TAGLN2: variants seen among roughly 807,000 people sequenced by gnomAD.
TAGLN2 encodes transgelin 2.
A neutral mutation model predicts 24.9 loss-of-function variants in TAGLN2; 14 were observed. The observed-to-expected ratio is 0.56, with a 90% CI of 0.37 to 0.88. The LOEUF (loss-of-function observed/expected upper bound fraction) is 0.88, where lower values mean the gene tolerates loss of function less well. TAGLN2 is among the 40% of genes least tolerant of loss of function. TAGLN2 has a pLI of 0.00. For missense variants in TAGLN2, 208 were observed against 258.9 expected (o/e 0.80, Z 1.35); for synonymous variants, 77 against 98.2 (o/e 0.78, Z 1.28).
chr1:159,923,348 C>A (rs1416800086), intron 1 of TAGLN2: 5 of 1,459,254 alleles, frequency 3.4e-6, no homozygotes, highest in African/African-American at 1.4e-5. Flanking sequence ...ACAACCCTCA[C>A]CCTCACCCTG....
At position 159,922,460 on chromosome 1, in the gene TAGLN2, G is replaced by C. The variant is rs191475149; in HGVS notation, c.-28-1923C>G. Among the ~76,000 whole-genome samples the C allele has an allele frequency of 7.5e-3, 1,141 of 152,256 alleles. 9 individuals are homozygous for C. Among genetic ancestry groups the C allele is most frequent in the Non-Finnish European group, 9.0e-3 (614 of 68,018 alleles). On this transcript the variant is annotated intron_variant, in intron 1 of 4. Coordinates refer to ENST00000368097, the MANE Select transcript of TAGLN2 (RefSeq NM_003564.3). The stretch of plus-strand genomic sequence containing the variant: ...CAGCTTGGGGAAGGCAGGCGGGGTG[G>C]GGTGGCTGAGTTCTGAGGAGAAACC...
intron 1 of TAGLN2, chr1:159,923,562 A>C: frequency 7.4e-7 from 1 of 1,349,000 alleles, no homozygotes; most frequent in Non-Finnish European, 1.0e-6. Context: ...GATGGAACAC[A>C]GGAGAACTTC....
rs764239031 is a variant in TAGLN2, at chr1:159,919,339, A to G, written c.393T>C (p.Asn131=). 6.2e-7 allele frequency: 1 copy of G among 1,614,074 alleles called. No homozygotes were observed. The highest frequency in any genetic ancestry group is 2.2e-5 in the East Asian group (1 of 44,900). ...CTCGGGCTACTGCCAGCCCACCCAG[A>G]TTCATCAGCGTCCGCTGCACACAGG... ...NMACVQRTLM[N]LGGLAVARDD... is the part of the protein sequence containing the mutation. Residue 131 remains asparagine (N), a synonymous_variant, in exon 4 of 5, where the codon AAT becomes AAC. Coordinates refer to ENST00000368097, the MANE Select transcript of TAGLN2 (RefSeq NM_003564.3).
At chr1:159,924,242 G>C (rs528804757) in intron 1 of TAGLN2, among the ~76,000 whole-genome samples, 1 of 152,306 alleles carries the variant, frequency 6.6e-6, no homozygotes, top group East Asian at 1.9e-4. Flanking sequence ...CTATTTGTTG[G>C]TTCTGGAATG....
intron 4 of TAGLN2, 59 bp from the exon 5 acceptor site, chr1:159,919,000 C>T: frequency 6.2e-7 from 1 of 1,603,358 alleles, no homozygotes; most frequent in Non-Finnish European, 8.5e-7. Context: ...TAAATCCCTT[C>T]CTTGGACAGA....
intron 1 of TAGLN2, among the ~76,000 whole-genome samples, chr1:159,922,437 G>A (rs967582294): frequency 7.2e-5 from 11 of 152,182 alleles, no homozygotes; most frequent in Non-Finnish European, 1.6e-4. Context: ...CACACCATCA[G>A]CTTGGGGAAG....
At chr1:159,919,584 C>T in intron 3 of TAGLN2, 77 bp downstream of exon 3, 1 of 1,558,752 alleles carries the variant, frequency 6.4e-7, no homozygotes, top group Non-Finnish European at 8.8e-7. Flanking sequence ...AAAACAGCCC[C>T]TTCTGCCTGG....
At chr1:159,920,069 G>T in intron 2 of TAGLN2, 1 of 764,836 alleles carries the variant, frequency 1.3e-6, no homozygotes, top group African/African-American at 1.7e-5. Context: ...CCCTCCCACA[G>T]TTCTTTCCTT....
At chr1:159,920,597 T>C in intron 1 of TAGLN2, 60 bp from the exon 2 acceptor site, 1 of 1,552,286 alleles carries the variant, frequency 6.4e-7, no homozygotes, top group African/African-American at 1.4e-5. Flanking sequence ...GAGTGGGGAA[T>C]TCAGGAATTC....
At chr1:159,925,325 A>T (rs888633292) in intron 1 of TAGLN2, 125 bp downstream of exon 1, 2 of 152,380 alleles carry the variant, frequency 1.3e-5, no homozygotes, top group Admixed American at 1.3e-4. Flanking sequence ...TAAAGTAGTC[A>T]CCGGACCCTT....
At chr1:159,923,742 T>A in intron 1 of TAGLN2, 1 of 391,418 alleles carries the variant, frequency 2.6e-6, no homozygotes, top group Non-Finnish European at 4.6e-6. Flanking sequence ...AAGAGAAAGC[T>A]GAGGCTACAC....
Position 159,918,891 on chromosome 1 carries a change from C to A in TAGLN2, c.509G>T (p.Gly170Val). ...CATCTGTAACCCGATCACGTTCTTG[C>A]CCTCTTGCAGCTGGTTATCCGAGAA... ...RNFSDNQLQE[G>V]KNVIGLQMGT... The change falls in exon 5 of 5, where the codon GGC (glycine) becomes GTC (valine). Residue 170 changes from glycine to valine, a missense_variant. By Grantham distance (109) the Gly-to-Val change is moderately radical. Transcript: ENST00000368097. The A allele has an allele frequency of 6.2e-7, 1 of 1,614,222 alleles. No homozygotes were observed. Among genetic ancestry groups the A allele is most frequent in the Non-Finnish European group, 8.5e-7 (1 of 1,180,032 alleles).
rs1650421127 is a variant in TAGLN2, at chr1:159,918,653, C to A, written c.*147G>T. On this transcript the variant is annotated 3_prime_UTR_variant, in exon 5 of 5. Transcript: ENST00000368097. ...GGGGAGAGGATGCCAGCAGGCACCTCAGAGGTGACAGGACAGGCTGAACCC... is the reference window on the plus strand; with the variant it reads ...GGGGAGAGGATGCCAGCAGGCACCTAAGAGGTGACAGGACAGGCTGAACCC... 3.5e-6 allele frequency: 4 copies of A among 1,136,340 alleles called. No homozygotes were observed. In the East Asian group the frequency reaches 9.6e-5, roughly 27 times the overall value. The allele number at this position is 1,136,340 out of a possible 1,614,324, so 70.4% of individuals were successfully genotyped here.
chr1:159,919,796 G>T lies in TAGLN2; in HGVS notation c.220C>A (p.Gln74Lys). 2 of 1,614,180 alleles carry T rather than the reference G, an allele frequency of 1.2e-6. No homozygotes were observed. The highest frequency in any genetic ancestry group is 2.7e-5 in the African/African-American group (2 of 75,046). ...GCCTGGATCTTCTTTACTGGGGCCT[G>T]CCCCTCGGGGTACAGTGCATTAATG... ...ELINALYPEGQAPVKKIQAST... is the reference protein window; with the variant it reads ...ELINALYPEGKAPVKKIQAST... Residue 74 changes from glutamine to lysine, a missense_variant, in exon 3 of 5, where the codon CAG becomes AAG. By Grantham distance (53) the Gln-to-Lys change is moderately conservative. Transcript: ENST00000368097.
At chr1:159,924,808 C>T (rs1301940736) in intron 1 of TAGLN2, among the ~76,000 whole-genome samples, 4 of 152,332 alleles carry the variant, frequency 2.6e-5, no homozygotes, top group Non-Finnish European at 5.9e-5. Flanking sequence ...TCACACAGGG[C>T]ACCCCGGGGC....
At chr1:159,923,815 T>G (rs1650614727) in intron 1 of TAGLN2, 1 of 273,980 alleles carries the variant, frequency 3.6e-6, no homozygotes, top group African/African-American at 2.2e-5. Context: ...TGCCATGGCT[T>G]CTGTGTACCA....
At chr1:159,920,697 C>T in intron 1 of TAGLN2, 160 bp from the exon 2 acceptor site, 2 of 907,824 alleles carry the variant, frequency 2.2e-6, no homozygotes, top group Non-Finnish European at 2.6e-6. Context: ...CTCTTTATAG[C>T]CCTGGGAAAG....
In TAGLN2 at chr1:159,920,530, G is replaced by T. The variant is rs1349272551; in HGVS notation, c.-21C>A. 1 of 1,613,474 alleles carries T rather than the reference G, an allele frequency of 6.2e-7. No individual in the cohort carries two copies. Among genetic ancestry groups the T allele is most frequent in the African/African-American group, 1.3e-5 (1 of 74,934 alleles). The stretch of plus-strand genomic sequence containing the variant: ...GCCATTCCAATGGGTGGCGGTGGCT[G>T]CGGGGAGCTAGGGAGAGGACACACC... On this transcript the variant is annotated 5_prime_UTR_variant, in exon 2 of 5. Transcript: ENST00000368097.
rs139865543 is a variant in TAGLN2 at position 159,918,681 on chromosome 1, C to G, written c.*119G>C. On this transcript the variant is annotated 3_prime_UTR_variant, in exon 5 of 5. Transcript: ENST00000368097. The stretch of plus-strand genomic sequence containing the variant: ...AGGTGACAGGACAGGCTGAACCCCC[C>G]ACCCTGACAGAAAGGAGCTTGAGAG... 41 of 1,431,162 alleles carry G rather than the reference C, an allele frequency of 2.9e-5. No individual in the cohort carries two copies. The highest frequency in any genetic ancestry group is 1.1e-4 in the South Asian group (8 of 74,732). 88.7% of individuals were successfully genotyped at this position (1,431,162 alleles called of 1,614,324 possible).
Sources: gnomAD v4.1 joint callset for allele counts (sites outside exome capture counted in the v4.1 genomes callset) on GRCh38, gnomAD v4.1.1 for gene constraint, MANE v1.5 for transcripts, NCBI Gene and HGNC (gene_info 2026-07-23, HGNC 2026-07-21) for gene names.